NEXMIF: variants seen among roughly 807,000 people sequenced by gnomAD.
NEXMIF encodes neurite extension and migration factor.
A neutral mutation model predicts 62.1 loss-of-function variants in NEXMIF; 8 were observed. The observed-to-expected ratio is 0.13, with a 90% CI of 0.08 to 0.23. The LOEUF is 0.23. Ranked by LOEUF, NEXMIF falls within the 10% of genes least tolerant of loss-of-function variation. The probability of loss-of-function intolerance (pLI) is 1.00; values close to 1 mark genes in which losing one functional copy is unlikely to be tolerated. For missense variants in NEXMIF, 976 were observed against 1,113.3 expected, an observed-to-expected ratio of 0.88 and a Z score of 1.75; for synonymous variants, 404 against 416.6, an observed-to-expected ratio of 0.97 and a Z score of 0.37.
chrX:74,909,390 C>A (rs1385550111), intron 1 of NEXMIF, among the ~76,000 whole-genome samples: 1 of 111,464 alleles, frequency 9.0e-6, no homozygotes, highest in African/African-American at 3.3e-5. Flanking sequence ...TTGCCCCTGC[C>A]CTAGAGATTT....
rs184268973 is a variant in NEXMIF, at chrX:74,858,213, C to T, written c.-48+66670G>A. Among the ~76,000 whole-genome samples, 712 of 112,293 alleles carry T rather than the reference C, an allele frequency of 6.3e-3. 6 individuals carry two copies. The highest frequency in any genetic ancestry group is 0.021 in the African/African-American group (649 of 30,944). On this transcript the variant is annotated intron_variant, in intron 1 of 3. Coordinates refer to ENST00000055682, the MANE Select transcript of NEXMIF (RefSeq NM_001008537.3). ...GTATTACAGGGGACCTTGGGTGAGACCCAGTGCTGTGCTGGCTTCAGGTCT... is the reference window on the plus strand; with the variant it reads ...GTATTACAGGGGACCTTGGGTGAGATCCAGTGCTGTGCTGGCTTCAGGTCT...
At chrX:74,854,840 C>T (rs2080528962) in intron 1 of NEXMIF, among the ~76,000 whole-genome samples, 1 of 111,216 alleles carries the variant, frequency 9.0e-6, no homozygotes, top group Non-Finnish European at 1.9e-5. Context: ...AATAAAATAC[C>T]TAGTATTATA....
chrX:74,818,870 C>A (rs1242487206), intron 1 of NEXMIF, among the ~76,000 whole-genome samples: 1 of 111,922 alleles, frequency 8.9e-6, no homozygotes, highest in Non-Finnish European at 1.9e-5. Context: ...CATCACTAAT[C>A]ATTAGAGAAA....
chrX:74,914,708 AC>A (rs1322076294), intron 1 of NEXMIF, among the ~76,000 whole-genome samples: 1 of 111,278 alleles, frequency 9.0e-6, no homozygotes, highest in African/African-American at 3.3e-5. Flanking sequence ...AACAAAACCA[AC>A]CAACCAAACA....
intron 1 of NEXMIF, among the ~76,000 whole-genome samples, chrX:74,770,742 A>G (rs976434949): frequency 1.8e-5 from 2 of 112,065 alleles, no homozygotes; most frequent in African/African-American, 6.5e-5. Context: ...TCATAGCCCA[A>G]TGGGGTAGAC....
intron 1 of NEXMIF, among the ~76,000 whole-genome samples, chrX:74,822,907 T>C (rs2080401855): frequency 8.9e-6 from 1 of 112,158 alleles, no homozygotes; most frequent in South Asian, 3.7e-4. Flanking sequence ...TACATGAATG[T>C]TCATAGCAGC....
At chrX:74,758,167 G>A (rs1393698582) in intron 1 of NEXMIF, among the ~76,000 whole-genome samples, 2 of 110,843 alleles carry the variant, frequency 1.8e-5, no homozygotes, top group Non-Finnish European at 3.8e-5. Flanking sequence ...TGGGGAAGAG[G>A]AGAGTGGGTG....
chrX:74,886,881 G>A (rs769443087), intron 1 of NEXMIF, among the ~76,000 whole-genome samples: 3,106 of 101,843 alleles, frequency 0.03, 232 homozygotes, highest in African/African-American at 0.13. Flanking sequence ...GAGGCATCAC[G>A]CTACCTGACT....
At chrX:74,769,841 C>T (rs1237392339) in intron 1 of NEXMIF, 1 of 393,439 alleles carries the variant, frequency 2.5e-6, no homozygotes, top group Admixed American at 4.3e-5. Context: ...AAATGTGGTC[C>T]TGATCAAGAT....
intron 1 of NEXMIF, among the ~76,000 whole-genome samples, chrX:74,814,792 T>C (rs2080370868): frequency 8.9e-6 from 1 of 112,370 alleles, no homozygotes; most frequent in Non-Finnish European, 1.9e-5. Context: ...CCATACATTC[T>C]TGCATTGTAA....
chrX:74,839,537 T>C (rs2080467483), intron 1 of NEXMIF, among the ~76,000 whole-genome samples: 1 of 111,917 alleles, frequency 8.9e-6, no homozygotes, highest in East Asian at 2.8e-4. Flanking sequence ...TACCCAATAG[T>C]TATCTTTTCT....
chrX:74,818,788 C>G lies in NEXMIF; in HGVS notation c.-47-73091G>C, dbSNP rs192087524. Among the ~76,000 whole-genome samples, 3 of 111,802 alleles carry G rather than the reference C, an allele frequency of 2.7e-5. No homozygotes were observed. The East Asian group carries it at 8.5e-4, about 32-fold the overall frequency. On this transcript the variant is annotated intron_variant, in intron 1 of 3. Coordinates refer to ENST00000055682, the MANE Select transcript of NEXMIF (RefSeq NM_001008537.3). ...AAAAACAACCCCATTAAAAAGTAGG[C>G]AAAGAACATGAAGAGACACTTTTCA...
intron 1 of NEXMIF, among the ~76,000 whole-genome samples, chrX:74,924,088 C>T (rs1043143115): frequency 8.9e-6 from 1 of 111,915 alleles, no homozygotes; most frequent in Admixed American, 9.3e-5. Context: ...AATTCCTCAG[C>T]GGAACGGCGC....
intron 1 of NEXMIF, among the ~76,000 whole-genome samples, chrX:74,751,911 G>C (rs2080145540): frequency 9.5e-6 from 1 of 105,540 alleles, no homozygotes; most frequent in Non-Finnish European, 1.9e-5. Flanking sequence ...GCGCGATCTT[G>C]CTTCACTGCA....
In NEXMIF at chrX:74,741,959, G is replaced by T. The variant is rs41298498; in HGVS notation, c.2598C>A (p.Ser866=). ...ATGACTGCTGCAGCTCAGAGTCAGAGGATGAGGTGAGCACACAGTCCTGGG... is the reference window on the plus strand; with the variant it reads ...ATGACTGCTGCAGCTCAGAGTCAGATGATGAGGTGAGCACACAGTCCTGGG... ...QPTQDCVLTS[S]SDSELQQSSH... is the part of the protein sequence containing the mutation. Residue 866 remains serine, a synonymous_variant, in exon 3 of 4, where the codon TCC becomes TCA. Transcript: ENST00000055682. 22,176 of 1,209,789 alleles carry T rather than the reference G, an allele frequency of 0.018. 167 individuals carry two copies. The highest frequency in any genetic ancestry group is 0.048 in the South Asian group (2,753 of 56,812).
At chrX:74,892,052 T>A (rs893916702) in intron 1 of NEXMIF, among the ~76,000 whole-genome samples, 1 of 112,506 alleles carries the variant, frequency 8.9e-6, no homozygotes, top group Non-Finnish European at 1.9e-5. Flanking sequence ...ATATGTATTT[T>A]TTTTTCTCTC....
intron 1 of NEXMIF, among the ~76,000 whole-genome samples, chrX:74,786,909 T>G (rs2080262127): frequency 9.1e-6 from 1 of 110,229 alleles, no homozygotes; most frequent in South Asian, 3.9e-4. Flanking sequence ...TCCCATGCCC[T>G]AAATTACATC....
At chrX:74,792,612 G>A (rs2080288575) in intron 1 of NEXMIF, among the ~76,000 whole-genome samples, 2 of 75,939 alleles carry the variant, frequency 2.6e-5, no homozygotes, top group Admixed American at 3.3e-4. Context: ...GGGAGTCTAA[G>A]TCTCTTTGTA....
rs184981788 is a variant in NEXMIF, at chrX:74,823,791, G to A, written c.-47-78094C>T. ...TGAATGAGAAAATAGATGGGGGAGA[G>A]AAGGATAAAGTAAATGTAAAAAACG... On this transcript the variant is annotated intron_variant, in intron 1 of 3. Transcript: ENST00000055682. 1.6e-3 allele frequency among the ~76,000 whole-genome samples: 176 copies of A among 111,062 alleles called. 4 individuals are homozygous for A. The Admixed American group carries it at 0.017, about 11-fold the overall frequency.
Sources: gnomAD v4.1 joint callset for allele counts (sites outside exome capture counted in the v4.1 genomes callset) on GRCh38, gnomAD v4.1.1 for gene constraint, MANE v1.5 for transcripts, NCBI Gene and HGNC (gene_info 2026-07-23, HGNC 2026-07-21) for gene names.